ZNF407: variants seen among roughly 807,000 people sequenced by gnomAD.
The protein encoded by ZNF407 is zinc finger protein 407.
Under a neutral mutation model 131.2 loss-of-function variants are expected in ZNF407, and 17 were observed. The ratio of observed to expected loss-of-function variants is 0.13; its 90% CI spans 0.09 to 0.19. ZNF407 has a LOEUF of 0.19. Among genes scored for constraint, ZNF407 ranks in the 10% least tolerant of loss-of-function variants. The pLI is 1.00. For missense variants in ZNF407, 2,681 were observed against 2,830.6 expected, an observed-to-expected ratio of 0.95 and a Z score of 1.20; for synonymous variants, 1,156 against 1,062.0, an observed-to-expected ratio of 1.09 and a Z score of -1.72.
At chr18:74,754,476 G>C (rs1283286795) in intron 3 of ZNF407, among the ~76,000 whole-genome samples, 1 of 152,038 alleles carries the variant, frequency 6.6e-6, no homozygotes, top group African/African-American at 2.4e-5. Context: ...GCTTTCTCTT[G>C]TGGGCATTTA....
At chr18:74,664,147 C>T (rs561758107) in intron 3 of ZNF407, among the ~76,000 whole-genome samples, 3 of 152,178 alleles carry the variant, frequency 2.0e-5, no homozygotes, top group African/African-American at 4.8e-5. Context: ...CTATACACTG[C>T]GTCTGTTCCA....
intron 4 of ZNF407, among the ~76,000 whole-genome samples, chr18:74,833,787 G>A (rs1366107133): frequency 6.6e-6 from 1 of 152,140 alleles, no homozygotes; most frequent in African/African-American, 2.4e-5. Context: ...CAGAGCCGTG[G>A]TGATGACTTA....
At chr18:74,807,460 C>G (rs1326959703) in intron 4 of ZNF407, among the ~76,000 whole-genome samples, 2 of 152,176 alleles carry the variant, frequency 1.3e-5, no homozygotes, top group Non-Finnish European at 2.9e-5. Context: ...AACAGTCACA[C>G]TAGTTATGCT....
intron 5 of ZNF407, among the ~76,000 whole-genome samples, chr18:74,878,226 G>C (rs959484136): frequency 9.9e-5 from 15 of 152,082 alleles, no homozygotes; most frequent in Admixed American, 2.6e-4. Flanking sequence ...ATTCCTGTGA[G>C]CTGTTTGATA....
intron 8 of ZNF407, among the ~76,000 whole-genome samples, chr18:74,945,483 G>T (rs1972145049): frequency 6.6e-6 from 1 of 152,112 alleles, no homozygotes; most frequent in Non-Finnish European, 1.5e-5. Flanking sequence ...TCAAAAAGGA[G>T]CATACATTGC....
At chr18:74,733,906 T>C (rs1400685413) in intron 3 of ZNF407, among the ~76,000 whole-genome samples, 1 of 152,186 alleles carries the variant, frequency 6.6e-6, no homozygotes, top group Non-Finnish European at 1.5e-5. Flanking sequence ...TTGAGAAAAG[T>C]CAAGCAACTG....
chr18:75,052,390 AAAC>A (rs779385671), intron 8 of ZNF407, among the ~76,000 whole-genome samples: 3 of 152,142 alleles, frequency 2.0e-5, no homozygotes, highest in Non-Finnish European at 2.9e-5. Flanking sequence ...ACAGCAAAAA[AAAC>A]AACAACAAAG....
intron 7 of ZNF407, among the ~76,000 whole-genome samples, chr18:74,910,367 A>T (rs1051209346): frequency 2.0e-5 from 3 of 152,152 alleles, no homozygotes; most frequent in Non-Finnish European, 4.4e-5. Context: ...TTGCTTGCTT[A>T]TATTTTATAG....
chr18:74,798,209 A>ACAC (rs1969956783), intron 4 of ZNF407, among the ~76,000 whole-genome samples: 5 of 147,932 alleles, frequency 3.4e-5, no homozygotes, highest in African/African-American at 7.5e-5. Flanking sequence ...CCTTTACACA[A>ACAC]ACACACACAC....
chr18:74,909,254 T>C lies in ZNF407; in HGVS notation c.5250-11260T>C, dbSNP rs78626957. 5.9e-3 allele frequency among the ~76,000 whole-genome samples: 900 copies of C among 152,212 alleles called. 9 individuals are homozygous for C. The highest frequency in any genetic ancestry group is 0.021 in the African/African-American group (860 of 41,538). On this transcript the variant is annotated intron_variant, in intron 7 of 8. Coordinates refer to ENST00000299687, the MANE Select transcript of ZNF407 (RefSeq NM_017757.3). Reference sequence around the variant, plus strand: ...TCAGATGAATTGCTGTTGCTTTTCATGTATAATAGGAAAAGCGCCGATAAT... The same window carrying C: ...TCAGATGAATTGCTGTTGCTTTTCACGTATAATAGGAAAAGCGCCGATAAT...
chr18:74,881,009 T>C (rs768389014), intron 5 of ZNF407, 27 bp from the exon 6 acceptor site: 76 of 1,575,240 alleles, frequency 4.8e-5, no homozygotes, highest in Non-Finnish European at 5.9e-5. Context: ...ACCTCCGCAG[T>C]CCCTCATCTG....
intron 3 of ZNF407, among the ~76,000 whole-genome samples, chr18:74,742,599 A>G (rs1304918610): frequency 1.3e-5 from 2 of 152,196 alleles, no homozygotes; most frequent in African/African-American, 2.4e-5. Flanking sequence ...TGGATAATGA[A>G]AATTATCTTT....
intron 4 of ZNF407, among the ~76,000 whole-genome samples, chr18:74,801,303 ATG>A (rs951245595): frequency 2.6e-5 from 4 of 152,184 alleles, no homozygotes; most frequent in African/African-American, 9.6e-5. Context: ...ATCAGTATAT[ATG>A]AGATTAATTT....
chr18:74,865,427 C>A (rs989744205), intron 4 of ZNF407, among the ~76,000 whole-genome samples: 4 of 152,176 alleles, frequency 2.6e-5, no homozygotes, highest in African/African-American at 9.7e-5. Context: ...TTGATAGCTT[C>A]AGTTAATTCT....
At chr18:74,956,643 A>G (rs1274678466) in intron 8 of ZNF407, among the ~76,000 whole-genome samples, 1 of 152,106 alleles carries the variant, frequency 6.6e-6, no homozygotes, top group South Asian at 2.1e-4. Context: ...ATGAAGGGAC[A>G]GTGGTGAATT....
intron 8 of ZNF407, among the ~76,000 whole-genome samples, chr18:74,945,827 T>G (rs1416149082): frequency 6.6e-6 from 1 of 152,206 alleles, no homozygotes; most frequent in Non-Finnish European, 1.5e-5. Flanking sequence ...TAAGGAACGT[T>G]TCAAATGCCC....
At chr18:74,834,315 T>C (rs549326185) in intron 4 of ZNF407, among the ~76,000 whole-genome samples, 2 of 152,360 alleles carry the variant, frequency 1.3e-5, no homozygotes, top group East Asian at 3.9e-4. Flanking sequence ...TCTTGCAGCA[T>C]GACCCAATTC....
Position 74,632,545 on chromosome 18 carries a change from C to T in ZNF407, c.1526C>T (p.Pro509Leu), listed in dbSNP as rs376677482. 343 of 1,614,032 alleles carry T rather than the reference C, an allele frequency of 2.1e-4. 2 individuals carry two copies. The highest frequency in any genetic ancestry group is 1.9e-3 in the South Asian group (174 of 91,088). ...AEQGQGSARP[P>L]DSGLHSLTVK... is the part of the protein sequence containing the mutation. ...CAGGGCCAGGGGAGTGCCCGTCCTCCGGACTCCGGGCTGCATTCCCTGACA... is the reference window on the plus strand; with the variant it reads ...CAGGGCCAGGGGAGTGCCCGTCCTCTGGACTCCGGGCTGCATTCCCTGACA... The change falls in exon 2 of 9, where the codon CCG becomes CTG. Residue 509 changes from proline to leucine, a missense_variant. Transcript: ENST00000299687.
intron 3 of ZNF407, among the ~76,000 whole-genome samples, chr18:74,714,121 A>G (rs950107856): frequency 6.6e-6 from 1 of 152,266 alleles, no homozygotes; most frequent in East Asian, 1.9e-4. Flanking sequence ...GCTTTTAAAA[A>G]TGAATTTGAA....
Sources: gnomAD v4.1 joint callset for allele counts (sites outside exome capture counted in the v4.1 genomes callset) on GRCh38, gnomAD v4.1.1 for gene constraint, MANE v1.5 for transcripts, NCBI Gene and HGNC (gene_info 2026-07-23, HGNC 2026-07-21) for gene names.